The following DENND1A variants were observed in gnomAD, a reference collection of about 807,000 sequenced individuals.
The protein encoded by DENND1A is DENN domain containing 1A, also known as DENN domain-containing protein 1A.
In DENND1A, 51 loss-of-function variants were observed where a neutral mutation model predicts 113.7. That is an observed-to-expected ratio of 0.45 (90% CI 0.36 to 0.57). The LOEUF is 0.57. DENND1A is among the 20% of genes least tolerant of loss of function. DENND1A has a pLI of 0.00. For missense variants in DENND1A, 1,258 were observed against 1,395.9 expected, an observed-to-expected ratio of 0.90 and a Z score of 1.57; for synonymous variants, 565 against 570.8, an observed-to-expected ratio of 0.99 and a Z score of 0.14.
intron 9 of DENND1A, among the ~76,000 whole-genome samples, chr9:123,642,341 T>C (rs1384553440): frequency 2.0e-5 from 3 of 152,264 alleles, no homozygotes; most frequent in Non-Finnish European, 2.9e-5. Flanking sequence ...TTAAATATTC[T>C]CTGGACCACA....
chr9:123,643,404 GT>G (rs1265941834), intron 9 of DENND1A, among the ~76,000 whole-genome samples: 1 of 152,174 alleles, frequency 6.6e-6, no homozygotes, highest in Non-Finnish European at 1.5e-5. Flanking sequence ...ACAAATAGAT[GT>G]TTCTCAGGAA....
intron 3 of DENND1A, among the ~76,000 whole-genome samples, chr9:123,788,332 A>ATT (rs1832503670): frequency 6.6e-6 from 1 of 152,172 alleles, no homozygotes; most frequent in Non-Finnish European, 1.5e-5. Flanking sequence ...TATTGTAATT[A>ATT]ATAAAGGCTC....
At chr9:123,894,787 C>T (rs1403808996) in intron 1 of DENND1A, among the ~76,000 whole-genome samples, 1 of 152,162 alleles carries the variant, frequency 6.6e-6, no homozygotes, top group African/African-American at 2.4e-5. Flanking sequence ...TGTAACTCCA[C>T]AAAATTTGTT....
chr9:123,545,860 T>C (rs1315694372), intron 13 of DENND1A, among the ~76,000 whole-genome samples: 1 of 152,128 alleles, frequency 6.6e-6, no homozygotes, highest in African/African-American at 2.4e-5. Context: ...AATGTTATCA[T>C]TGCTTGAAAA....
At chr9:123,472,865 C>T (rs986612963) in intron 13 of DENND1A, among the ~76,000 whole-genome samples, 2 of 151,882 alleles carry the variant, frequency 1.3e-5, no homozygotes, top group Non-Finnish European at 2.9e-5. Context: ...TGTGCTGGGC[C>T]CTCTGTGGGG....
chr9:123,654,966 G>A (rs1438202986), intron 8 of DENND1A, among the ~76,000 whole-genome samples: 1 of 152,128 alleles, frequency 6.6e-6, no homozygotes, highest in Non-Finnish European at 1.5e-5. Context: ...ATGGAGTCAG[G>A]AATCTCCCTC....
intron 13 of DENND1A, among the ~76,000 whole-genome samples, chr9:123,515,953 A>C (rs2053857093): frequency 6.6e-6 from 1 of 152,074 alleles, no homozygotes; most frequent in East Asian, 1.9e-4. Context: ...GGTGGTGCAC[A>C]CCTGTTGTCC....
chr9:123,651,145 A>C (rs61050048), intron 9 of DENND1A, among the ~76,000 whole-genome samples: 5,539 of 151,970 alleles, frequency 0.036, 368 homozygotes, highest in African/African-American at 0.13. Flanking sequence ...TAAAAGGAAT[A>C]TAAAAATATT....
intron 21 of DENND1A, among the ~76,000 whole-genome samples, chr9:123,395,117 G>C (rs1366138009): frequency 6.6e-6 from 1 of 152,184 alleles, no homozygotes; most frequent in Non-Finnish European, 1.5e-5. Context: ...GTGGCATCTG[G>C]AAGAGGCAGA....
intron 2 of DENND1A, among the ~76,000 whole-genome samples, chr9:123,844,358 T>A (rs1479552083): frequency 6.6e-6 from 1 of 152,200 alleles, no homozygotes; most frequent in African/African-American, 2.4e-5. Flanking sequence ...ACTAATAAAC[T>A]AGTTCATCAA....
At chr9:123,448,402 G>A (rs1222545082) in intron 18 of DENND1A, among the ~76,000 whole-genome samples, 1 of 150,484 alleles carries the variant, frequency 6.6e-6, no homozygotes, top group Non-Finnish European at 1.5e-5. Context: ...GTAGCTTAAC[G>A]GTCTGCAGAG....
At chr9:123,757,679 A>G in intron 5 of DENND1A, 24 bp downstream of exon 5, 1 of 1,609,876 alleles carries the variant, frequency 6.2e-7, no homozygotes, top group Non-Finnish European at 8.5e-7. Context: ...AGAACAAGCC[A>G]ACAGCCCAAG....
intron 5 of DENND1A, among the ~76,000 whole-genome samples, chr9:123,723,193 GC>G (rs1317578900): frequency 6.6e-6 from 1 of 152,344 alleles, no homozygotes; most frequent in East Asian, 1.9e-4. Flanking sequence ...GGGGCCTACA[GC>G]CCCTCTGTTT....
At chr9:123,812,760 T>C (rs1231500624) in intron 2 of DENND1A, among the ~76,000 whole-genome samples, 1 of 152,222 alleles carries the variant, frequency 6.6e-6, no homozygotes, top group African/African-American at 2.4e-5. Context: ...TTATTTCATC[T>C]AATATTTTTT....
chr9:123,830,945 A>T (rs1327843538), intron 2 of DENND1A, among the ~76,000 whole-genome samples: 1 of 151,108 alleles, frequency 6.6e-6, no homozygotes, highest in African/African-American at 2.4e-5. Flanking sequence ...CTCATTAAAC[A>T]TTATACTGCT....
At chr9:123,660,891 C>T (rs2063201023) in intron 8 of DENND1A, among the ~76,000 whole-genome samples, 1 of 152,250 alleles carries the variant, frequency 6.6e-6, no homozygotes, top group Non-Finnish European at 1.5e-5. Flanking sequence ...GGATATTTGG[C>T]AATGCCTGGG....
chr9:123,772,062 A>G (rs1254969693), intron 3 of DENND1A, among the ~76,000 whole-genome samples: 1 of 152,204 alleles, frequency 6.6e-6, no homozygotes, highest in Non-Finnish European at 1.5e-5. Context: ...TATTATCGCA[A>G]TTGGAACTGA....
chr9:123,779,519 A>G (rs1453389936), intron 3 of DENND1A, among the ~76,000 whole-genome samples: 1 of 152,184 alleles, frequency 6.6e-6, no homozygotes, highest in East Asian at 1.9e-4. Flanking sequence ...ATACAAAACA[A>G]AACAGGGTCT....
intron 13 of DENND1A, among the ~76,000 whole-genome samples, chr9:123,514,882 TA>T (rs1010217416): frequency 3.3e-5 from 5 of 152,120 alleles, no homozygotes; most frequent in African/African-American, 1.2e-4. Context: ...CACTCCCTAC[TA>T]AAAGGAACCA....
Sources: gnomAD v4.1 joint callset for allele counts (sites outside exome capture counted in the v4.1 genomes callset) on GRCh38, gnomAD v4.1.1 for gene constraint, MANE v1.5 for transcripts, NCBI Gene and HGNC (gene_info 2026-07-23, HGNC 2026-07-21) for gene names.